The following TAFA1 variants were observed in gnomAD, a reference collection of about 807,000 sequenced individuals.
The protein encoded by TAFA1 is chemokine-like protein TAFA-1.
A neutral mutation model predicts 18.5 loss-of-function variants in TAFA1; 4 were observed. The ratio of observed to expected loss-of-function variants is 0.22; its 90% CI spans 0.11 to 0.49. The LOEUF (loss-of-function observed/expected upper bound fraction) is 0.49. Among genes scored for constraint, TAFA1 ranks in the 20% least tolerant of loss-of-function variants. The pLI is 0.98. For synonymous variants in TAFA1, 56 were observed against 55.2 expected (o/e 1.01, Z -0.06); for missense variants, 147 against 169.0 (o/e 0.87, Z 0.72).
intron 2 of TAFA1, among the ~76,000 whole-genome samples, chr3:68,217,247 TATC>T (rs1305388327): frequency 2.0e-5 from 3 of 152,042 alleles, no homozygotes; most frequent in Non-Finnish European, 2.9e-5. Flanking sequence ...AACCTAATAT[TATC>T]TACCCTTGAT....
intron 2 of TAFA1, among the ~76,000 whole-genome samples, chr3:68,295,481 G>C (rs978751759): frequency 6.6e-6 from 1 of 152,120 alleles, no homozygotes; most frequent in African/African-American, 2.4e-5. Context: ...TTAGTGCTGT[G>C]TGTCTGTGTG....
intron 2 of TAFA1, among the ~76,000 whole-genome samples, chr3:68,413,548 T>A (rs1194862640): frequency 6.6e-6 from 1 of 152,202 alleles, no homozygotes; most frequent in Non-Finnish European, 1.5e-5. Flanking sequence ...TCTATCTCCA[T>A]CTTTCAACTA....
chr3:68,447,382 A>C (rs1227760537), intron 3 of TAFA1, among the ~76,000 whole-genome samples: 2 of 152,154 alleles, frequency 1.3e-5, no homozygotes, highest in East Asian at 3.8e-4. Flanking sequence ...TGGCTACTCC[A>C]TTCTGTCCAC....
At chr3:68,377,988 G>T (rs2069851833) in intron 2 of TAFA1, among the ~76,000 whole-genome samples, 1 of 152,302 alleles carries the variant, frequency 6.6e-6, no homozygotes, top group East Asian at 1.9e-4. Context: ...AATTTCACAG[G>T]TTATATGAAA....
At chr3:68,454,576 T>C (rs1000740684) in intron 3 of TAFA1, among the ~76,000 whole-genome samples, 57 of 152,296 alleles carry the variant, frequency 3.7e-4, no homozygotes, top group African/African-American at 1.3e-3. Context: ...CTTGAGCCAT[T>C]TGGACACTAT....
intron 2 of TAFA1, among the ~76,000 whole-genome samples, chr3:68,222,640 C>T (rs1163295801): frequency 6.6e-6 from 1 of 151,852 alleles, no homozygotes; most frequent in Non-Finnish European, 1.5e-5. Flanking sequence ...CTTAATATGT[C>T]TGTTTTTGGG....
intron 3 of TAFA1, among the ~76,000 whole-genome samples, chr3:68,449,951 C>T (rs1165910153): frequency 6.6e-6 from 1 of 152,220 alleles, no homozygotes; most frequent in Admixed American, 6.5e-5. Flanking sequence ...CTGCCTGGAG[C>T]TGGACATTGT....
chr3:68,149,779 A>T (rs568762611), intron 2 of TAFA1, among the ~76,000 whole-genome samples: 59 of 152,328 alleles, frequency 3.9e-4, no homozygotes, highest in Non-Finnish European at 5.4e-4. Flanking sequence ...GTCTTAAGAA[A>T]CTTACCTCAG....
At chr3:68,274,912 G>A (rs993305059) in intron 2 of TAFA1, among the ~76,000 whole-genome samples, 2 of 151,852 alleles carry the variant, frequency 1.3e-5, no homozygotes, top group African/African-American at 4.8e-5. Context: ...TCGTCATTTT[G>A]TTGTTGTTGC....
chr3:68,138,916 CAGG>C (rs1191416327), intron 2 of TAFA1, among the ~76,000 whole-genome samples: 1 of 152,064 alleles, frequency 6.6e-6, no homozygotes, highest in Non-Finnish European at 1.5e-5. Flanking sequence ...TGGAAGTTGC[CAGG>C]AGTAGTGAAA....
intron 2 of TAFA1, among the ~76,000 whole-genome samples, chr3:68,327,596 C>T (rs2068797364): frequency 6.6e-6 from 1 of 152,154 alleles, no homozygotes. Flanking sequence ...ATATTAACTT[C>T]TTAGGCTTGC....
chr3:68,133,868 T>A (rs1400244526), intron 2 of TAFA1, among the ~76,000 whole-genome samples: 1 of 151,884 alleles, frequency 6.6e-6, no homozygotes, highest in Non-Finnish European at 1.5e-5. Flanking sequence ...GGGGACATAA[T>A]ATCCATATGA....
intron 2 of TAFA1, among the ~76,000 whole-genome samples, chr3:68,269,008 C>T (rs1357033551): frequency 1.3e-5 from 2 of 152,116 alleles, no homozygotes. Flanking sequence ...TTCCTTCATT[C>T]CTCCCTTCTT....
chr3:68,333,745 A>G (rs1417511918), intron 2 of TAFA1, among the ~76,000 whole-genome samples: 1 of 152,228 alleles, frequency 6.6e-6, no homozygotes, highest in Non-Finnish European at 1.5e-5. Context: ...TTGCAGCATT[A>G]TTCACAATAG....
At chr3:68,257,851 A>G (rs2067329360) in intron 2 of TAFA1, among the ~76,000 whole-genome samples, 1 of 152,162 alleles carries the variant, frequency 6.6e-6, no homozygotes, top group Non-Finnish European at 1.5e-5. Flanking sequence ...TAACATATCC[A>G]ATGATAAGTT....
At chr3:68,099,838 C>G (rs1312412236) in intron 2 of TAFA1, among the ~76,000 whole-genome samples, 20 of 152,130 alleles carry the variant, frequency 1.3e-4, no homozygotes, top group Admixed American at 1.3e-3. Flanking sequence ...GAAACCATGC[C>G]CTTTGCAGCA....
intron 3 of TAFA1, among the ~76,000 whole-genome samples, chr3:68,477,642 A>G (rs986593213): frequency 6.6e-6 from 1 of 152,084 alleles, no homozygotes; most frequent in Non-Finnish European, 1.5e-5. Flanking sequence ...TAGCCTCCCA[A>G]AGTGCTGGGA....
At chr3:68,521,997 C>T (rs940119010) in intron 3 of TAFA1, among the ~76,000 whole-genome samples, 4 of 150,664 alleles carry the variant, frequency 2.7e-5, no homozygotes, top group Non-Finnish European at 5.9e-5. Context: ...AGCACACCAC[C>T]GAGCCCAGCT....
At chr3:68,414,647 T>C (rs1004625116) in intron 2 of TAFA1, among the ~76,000 whole-genome samples, 1 of 152,152 alleles carries the variant, frequency 6.6e-6, no homozygotes, top group Non-Finnish European at 1.5e-5. Context: ...AGAAATGGCA[T>C]TGAGCTCCAA....
Sources: allele counts gnomAD v4.1 joint callset (sites outside exome capture counted in the v4.1 genomes callset), GRCh38; gene constraint gnomAD v4.1.1; transcripts MANE v1.5; gene names NCBI Gene and HGNC (gene_info 2026-07-23, HGNC 2026-07-21).